The following MGST2 variants were observed in gnomAD, a reference collection of about 807,000 sequenced individuals.
MGST2 encodes microsomal glutathione S-transferase 2.
In MGST2, 9 loss-of-function variants were observed where a neutral mutation model predicts 16.6. The ratio of observed to expected loss-of-function variants is 0.54; its 90% confidence interval spans 0.33 to 0.95. The LOEUF (loss-of-function observed/expected upper bound fraction) is 0.95. Among genes scored for constraint, MGST2 ranks in the 40% least tolerant of loss-of-function variants. The probability of loss-of-function intolerance (pLI) is 0.03; values close to 1 mark genes in which losing one functional copy is unlikely to be tolerated. For synonymous variants in MGST2, 79 were observed against 68.0 expected (o/e 1.16, Z -0.79); for missense variants, 159 against 175.1 (o/e 0.91, Z 0.52).
chr4:139,673,981 A>G (rs1300621537), intron 1 of MGST2, among the ~76,000 whole-genome samples: 3 of 152,256 alleles, frequency 2.0e-5, no homozygotes, highest in Admixed American at 6.5e-5. Flanking sequence ...CTTACAGGCC[A>G]CAGGTGGATT....
intron 2 of MGST2, among the ~76,000 whole-genome samples, chr4:139,683,826 G>T (rs902558092): frequency 6.6e-6 from 1 of 151,730 alleles, no homozygotes; most frequent in Non-Finnish European, 1.5e-5. Context: ...CAGTCATGGA[G>T]AAAGGCAAGT....
downstream of MGST2, among the ~76,000 whole-genome samples, chr4:139,742,294 G>A (rs927670525): frequency 1.3e-5 from 2 of 152,048 alleles, no homozygotes; most frequent in African/African-American, 2.4e-5. Context: ...GATTACAGGC[G>A]TGTGCCACCA....
downstream of MGST2, among the ~76,000 whole-genome samples, chr4:139,742,813 T>C (rs1410009469): frequency 6.6e-6 from 1 of 152,226 alleles, no homozygotes; most frequent in Non-Finnish European, 1.5e-5. Context: ...GGGAAACTTT[T>C]AGTGAGGAAT....
At chr4:139,686,776 C>T (rs1409866918) in intron 2 of MGST2, among the ~76,000 whole-genome samples, 1 of 152,164 alleles carries the variant, frequency 6.6e-6, no homozygotes, top group Non-Finnish European at 1.5e-5. Context: ...AAAACTTTCA[C>T]AGTGTTAGAT....
intron 5 of MGST2, chr4:139,719,646 G>A (rs1172407594): frequency 1.2e-6 from 2 of 1,612,630 alleles, no homozygotes; most frequent in Non-Finnish European, 1.7e-6. Flanking sequence ...GGGAGCGATG[G>A]CATCATCTGC....
intron 2 of MGST2, among the ~76,000 whole-genome samples, chr4:139,690,725 G>A (rs1726527657): frequency 6.6e-6 from 1 of 152,186 alleles, no homozygotes; most frequent in Non-Finnish European, 1.5e-5. Context: ...ATTTGGAGCT[G>A]CCAGGCCACA....
At chr4:139,701,790 C>G (rs1322795498) in intron 3 of MGST2, among the ~76,000 whole-genome samples, 2 of 151,714 alleles carry the variant, frequency 1.3e-5, no homozygotes, top group Non-Finnish European at 2.9e-5. Flanking sequence ...ATAGGGAGGC[C>G]TTTTCTCTGA....
intron 1 of MGST2, 115 bp downstream of exon 1, chr4:139,666,192 A>G: frequency 8.8e-7 from 1 of 1,138,716 alleles, no homozygotes; most frequent in Admixed American, 1.9e-5. Context: ...TTTGTTTCCT[A>G]CTTGCCCTTG....
intron 1 of MGST2, among the ~76,000 whole-genome samples, chr4:139,670,887 A>G (rs1730652034): frequency 6.7e-6 from 1 of 150,082 alleles, no homozygotes; most frequent in South Asian, 2.1e-4. Context: ...AGACTGGGTG[A>G]GAGTGAGACC....
chr4:139,742,018 A>C (rs1362969574), downstream of MGST2, among the ~76,000 whole-genome samples: 3 of 152,230 alleles, frequency 2.0e-5, no homozygotes, highest in Non-Finnish European at 1.5e-5. Context: ...TTTAGAAAGA[A>C]TATAGCACTC....
the MGST2 span, among the ~76,000 whole-genome samples, chr4:139,752,351 A>C: frequency 1.3e-5 from 2 of 152,356 alleles, no homozygotes; most frequent in Admixed American, 1.3e-4. Context: ...GCATGGGCGC[A>C]GGCCTGGGAC....
chr4:139,752,634 A>G, the MGST2 span, among the ~76,000 whole-genome samples: 2 of 152,248 alleles, frequency 1.3e-5, no homozygotes, highest in Admixed American at 6.5e-5. Context: ...GTATTTTTCT[A>G]AATGATAATA....
rs1310485861 is a variant in MGST2, at chr4:139,712,880, CAAAAG to C, written c.*48+8689_*48+8693del. Among the ~76,000 whole-genome samples the C allele has an allele frequency of 5.3e-5, 8 of 152,292 alleles. No homozygotes were observed. The South Asian group carries it at 1.7e-3, about 32-fold the overall frequency. On this transcript the variant is annotated intron_variant, in intron 5 of 5. Transcript: ENST00000616265. ...CCATTTCTCCAATTGTGTCCTGTTA[CAAAAG>C]AAAACAGATTCGTATTGCATTTATG...
chr4:139,678,639 C>G lies in MGST2; in HGVS notation c.155C>G (p.Ala52Gly). 1 of 1,609,450 alleles carries G rather than the reference C, an allele frequency of 6.2e-7. No individual in the cohort carries two copies. The highest frequency in any genetic ancestry group is 8.5e-7 in the Non-Finnish European group (1 of 1,175,828). Residue 52 changes from alanine to glycine, a missense_variant, in exon 2 of 5, where the codon GCA (alanine) becomes GGA (glycine). Transcript: ENST00000265498. ...CCAGAGTTTGAGAGAGTATTTCGGG[C>G]ACAGTAAGTAATGCTTCTTCCACCC... ...GSPEFERVFR[A>G]QQNCVEFYPI... is the part of the protein sequence containing the mutation.
At chr4:139,708,546 G>T (rs560441716), downstream of MGST2, among the ~76,000 whole-genome samples, 33 of 152,134 alleles carry the variant, frequency 2.2e-4, no homozygotes, top group Admixed American at 3.9e-4. Flanking sequence ...GGTGATGTGG[G>T]CTCTTTTTTG....
intron 2 of MGST2, among the ~76,000 whole-genome samples, chr4:139,683,062 T>C (rs61606460): frequency 0.11 from 16,025 of 152,048 alleles, 1,275 homozygotes; most frequent in African/African-American, 0.22. Flanking sequence ...AAGAATCAGT[T>C]TGGAAAGGGC....
At chr4:139,723,921 A>G (rs1728362780) in intron 5 of MGST2, among the ~76,000 whole-genome samples, 1 of 152,208 alleles carries the variant, frequency 6.6e-6, no homozygotes, top group Non-Finnish European at 1.5e-5. Context: ...AACACTGTGT[A>G]TGTTTTAACA....
rs189143434 is a variant in MGST2, at chr4:139,698,073, A to G, written c.229+2806A>G. On this transcript the variant is annotated intron_variant, in intron 3 of 4. Transcript: ENST00000265498. ...GGAAAAAAATTATCTAACGTTCAGAACTACCAATAACAGGAAGAAGAGAAA... is the reference window on the plus strand; with the variant it reads ...GGAAAAAAATTATCTAACGTTCAGAGCTACCAATAACAGGAAGAAGAGAAA... 9.5e-4 allele frequency: 847 copies of G among 892,494 alleles called. 6 individuals are homozygous for G. In the African/African-American group the frequency reaches 0.013, roughly 14 times the overall value. The allele number at this position is 892,494 out of a possible 1,614,324, so 55.3% of individuals were successfully genotyped here.
intron 5 of MGST2, among the ~76,000 whole-genome samples, chr4:139,729,156 C>CAAAAAAAAAAAAAAAAAAAAAAAA (rs4057275): frequency 1.2e-5 from 1 of 81,704 alleles, no homozygotes; most frequent in Non-Finnish European, 2.3e-5. Context: ...GGAACAAAAG[C>CAAAAAAAAAAAAAAAAAAAAAAAA]AAAAAAAAAA....
Sources: allele counts gnomAD v4.1 joint callset (sites outside exome capture counted in the v4.1 genomes callset), GRCh38; gene constraint gnomAD v4.1.1; transcripts MANE v1.5; gene names NCBI Gene and HGNC (gene_info 2026-07-23, HGNC 2026-07-21).